SV2C: variants seen among roughly 807,000 people sequenced by gnomAD.
SV2C encodes the protein solute carrier family 22 member B3.
A neutral mutation model predicts 79.7 loss-of-function variants in SV2C; 49 were observed. That is an observed-to-expected ratio of 0.61 (90% CI 0.49 to 0.78). The LOEUF is 0.78. SV2C is among the 30% of genes least tolerant of loss of function. SV2C has a pLI of 0.00. For synonymous variants in SV2C, 334 were observed against 333.2 expected (o/e 1.00, Z -0.03); for missense variants, 833 against 912.9 (o/e 0.91, Z 1.13).
intron 4 of SV2C, among the ~76,000 whole-genome samples, chr5:76,228,232 G>T (rs536446643): frequency 6.6e-6 from 1 of 152,096 alleles, no homozygotes; most frequent in Non-Finnish European, 1.5e-5. Context: ...GCTATTAAGC[G>T]TCGACTCCAG....
the SV2C span, among the ~76,000 whole-genome samples, chr5:76,025,900 T>C: frequency 6.6e-6 from 1 of 152,254 alleles, no homozygotes; most frequent in East Asian, 1.9e-4. Context: ...AAATTTTAGC[T>C]TAGATGAGAC....
chr5:76,175,158 T>C (rs1338057381), intron 2 of SV2C, among the ~76,000 whole-genome samples: 2 of 152,176 alleles, frequency 1.3e-5, no homozygotes, highest in Non-Finnish European at 2.9e-5. Context: ...ACCCCTACGC[T>C]GGCCTGGTGT....
chr5:75,910,142 A>C, the SV2C span: 1 of 309,406 alleles, frequency 3.2e-6, no homozygotes, highest in Admixed American at 4.3e-5. Flanking sequence ...TCTCCAGTTT[A>C]AAATAGTTTT....
intron 4 of SV2C, among the ~76,000 whole-genome samples, chr5:76,267,920 AC>A (rs1193998441): frequency 6.6e-6 from 1 of 152,218 alleles, no homozygotes; most frequent in Non-Finnish European, 1.5e-5. Flanking sequence ...CTGCATAAGA[AC>A]CACTTGGGGT....
At chr5:76,101,525 A>G (rs891178060) in intron 1 of SV2C, among the ~76,000 whole-genome samples, 2 of 152,176 alleles carry the variant, frequency 1.3e-5, no homozygotes, top group South Asian at 4.1e-4. Flanking sequence ...GCCTGTTCTC[A>G]TGGAGTTTAC....
rs951511764 is a variant in SV2C, at chr5:76,323,905, G to A, written c.2001-1459G>A. On this transcript the variant is annotated intron_variant, in intron 12 of 12. Coordinates refer to ENST00000502798, the MANE Select transcript of SV2C (RefSeq NM_014979.4). ...CCTGTTTAGGGGATGGGGAGTGAGG[G>A]GAGGGAACTTAGAGGATGGGTCAAT... is the stretch of plus-strand genomic sequence containing the variant. Among the ~76,000 whole-genome samples, 15 of 152,106 alleles carry A rather than the reference G, an allele frequency of 9.9e-5. 1 individual carries two copies. The highest frequency in any genetic ancestry group is 9.8e-4 in the Admixed American group (15 of 15,274).
chr5:75,903,328 G>T, the SV2C span, among the ~76,000 whole-genome samples: 7 of 151,404 alleles, frequency 4.6e-5, no homozygotes, highest in African/African-American at 1.7e-4. Flanking sequence ...TAGGACCCTT[G>T]AGTGTTGTGT....
At chr5:76,008,156 C>T in the SV2C span, among the ~76,000 whole-genome samples, 5 of 152,120 alleles carry the variant, frequency 3.3e-5, no homozygotes, top group African/African-American at 1.2e-4. Context: ...CACAGAATGA[C>T]TAGATGGTTT....
the SV2C span, among the ~76,000 whole-genome samples, chr5:76,030,148 T>A: frequency 6.6e-6 from 1 of 151,966 alleles, no homozygotes; most frequent in South Asian, 2.1e-4. Context: ...TAACAAAGGC[T>A]TTATTTCTTA....
chr5:76,279,591 C>T (rs1747121460), intron 4 of SV2C, among the ~76,000 whole-genome samples: 1 of 152,180 alleles, frequency 6.6e-6, no homozygotes, highest in African/African-American at 2.4e-5. Context: ...TTAAATATGA[C>T]AAAGACTGGT....
At chr5:76,161,137 T>G (rs73132224) in intron 2 of SV2C, among the ~76,000 whole-genome samples, 1 of 152,100 alleles carries the variant, frequency 6.6e-6, no homozygotes, top group South Asian at 2.1e-4. Flanking sequence ...CATAAATTAA[T>G]GAATAGACAA....
chr5:76,150,990 T>G (rs545735534), intron 2 of SV2C, among the ~76,000 whole-genome samples: 1 of 152,304 alleles, frequency 6.6e-6, no homozygotes, highest in Non-Finnish European at 1.5e-5. Flanking sequence ...ATCTGTTGTA[T>G]GGCAAATACA....
the SV2C span, among the ~76,000 whole-genome samples, chr5:76,007,623 T>C: frequency 2.0e-5 from 3 of 152,146 alleles, no homozygotes; most frequent in East Asian, 5.8e-4. Context: ...GAGAGGAAAC[T>C]AGGAATATCT....
the SV2C span, chr5:75,921,737 G>A: frequency 2.5e-6 from 1 of 397,906 alleles, no homozygotes; most frequent in Admixed American, 3.4e-5. Context: ...AGGCTCTCTA[G>A]CATTTTGTTT....
the SV2C span, among the ~76,000 whole-genome samples, chr5:76,032,186 A>T: frequency 6.6e-6 from 1 of 152,212 alleles, no homozygotes; most frequent in Non-Finnish European, 1.5e-5. Context: ...CATGCAAGAA[A>T]ATAATATGAT....
intron 2 of SV2C, among the ~76,000 whole-genome samples, chr5:76,167,447 C>T (rs1743078797): frequency 6.6e-6 from 1 of 152,118 alleles, no homozygotes; most frequent in African/African-American, 2.4e-5. Flanking sequence ...TGAGTTTCTG[C>T]ATTCATGTTA....
At chr5:75,900,005 C>T in the SV2C span, among the ~76,000 whole-genome samples, 1 of 152,126 alleles carries the variant, frequency 6.6e-6, no homozygotes, top group Non-Finnish European at 1.5e-5. Context: ...ACTGATGGGT[C>T]TTGACTCTTT....
the SV2C span, among the ~76,000 whole-genome samples, chr5:76,069,341 A>G: frequency 0.018 from 2,745 of 152,146 alleles, 41 homozygotes; most frequent in South Asian, 0.049. Flanking sequence ...TCTCATCTCA[A>G]TGAGGCTGTG....
downstream of SV2C, among the ~76,000 whole-genome samples, chr5:76,334,673 T>C (rs1749277496): frequency 6.6e-6 from 1 of 152,176 alleles, no homozygotes; most frequent in South Asian, 2.1e-4. Context: ...GTCCCTCTTT[T>C]TGACCCCTTT....
Sources: allele counts gnomAD v4.1 joint callset (sites outside exome capture counted in the v4.1 genomes callset), GRCh38; gene constraint gnomAD v4.1.1; transcripts MANE v1.5; gene names NCBI Gene and HGNC (gene_info 2026-07-23, HGNC 2026-07-21).